Variants in NPC1 observed in about 807,000 individuals in gnomAD.
NPC1 encodes NPC intracellular cholesterol transporter 1, also known as Niemann-Pick C1 protein.
Under a neutral mutation model 140.4 loss-of-function variants are expected in NPC1, and 85 were observed. The ratio of observed to expected loss-of-function variants is 0.61; its 90% CI spans 0.51 to 0.72. The LOEUF is 0.72. Among genes scored for constraint, NPC1 ranks in the 30% least tolerant of loss-of-function variants. The pLI is 0.00. For synonymous variants in NPC1, 656 were observed against 624.8 expected (o/e 1.05, Z -0.74); for missense variants, 1,504 against 1,623.8 (o/e 0.93, Z 1.27).
In NPC1 at chr18:23,572,097, C is replaced by T. The variant is rs1599008867; in HGVS notation, c.264G>A (p.Gln88=). The change falls in exon 3 of 25, where the codon CAG becomes CAA. Residue 88 remains glutamine (Q), a synonymous_variant. Coordinates refer to ENST00000269228, the MANE Select transcript of NPC1 (RefSeq NM_000271.5). The stretch of plus-strand genomic sequence containing the variant: ...ACCTGGACAGAAACTGTAGAGGCAG[C>T]TGCAGGTTGTCTTTTAGTGTCTGAA... ...RQLQTLKDNL[Q]LPLQFLSRCP... The T allele has an allele frequency of 6.2e-7, 1 of 1,613,810 alleles. No individual in the cohort carries two copies. Among genetic ancestry groups the T allele is most frequent in the Non-Finnish European group, 8.5e-7 (1 of 1,179,766 alleles).
At chr18:23,554,683 A>G in intron 9 of NPC1, 75 bp downstream of exon 9, 1 of 1,125,688 alleles carries the variant, frequency 8.9e-7, no homozygotes, top group Non-Finnish European at 1.3e-6. Flanking sequence ...TATGCTCATA[A>G]AACAAGCTTT....
At chr18:23,535,071 T>G (rs191001019) in intron 22 of NPC1, among the ~76,000 whole-genome samples, 211 of 152,280 alleles carry the variant, frequency 1.4e-3, no homozygotes, top group African/African-American at 4.9e-3. Flanking sequence ...AACATCCTGC[T>G]GTCATCAGGC....
chr18:23,527,900 T>C, downstream of NPC1: 3 of 1,612,872 alleles, frequency 1.9e-6, no homozygotes, highest in Non-Finnish European at 2.5e-6. Context: ...AGTTATGCGA[T>C]GGTGAGTTAC....
At chr18:23,527,994 A>G (rs1158288349), downstream of NPC1, 1 of 1,075,678 alleles carries the variant, frequency 9.3e-7, no homozygotes, top group Non-Finnish European at 1.3e-6. Context: ...TTTCCTATAT[A>G]TTAGAATAAG....
downstream of NPC1, chr18:23,529,181 G>T: frequency 6.2e-7 from 1 of 1,608,522 alleles, no homozygotes; most frequent in African/African-American, 1.3e-5. Flanking sequence ...TCTTTCAGGC[G>T]GTGGAAGCAG....
rs2058763237 is a variant in NPC1 at position 23,544,940 on chromosome 18, A to ACCACCCCCCCCCCCCCCCCCCCCCCCCC, written c.1947+19_1947+20insGGGGGGGGGGGGGGGGGGGGGGGGGTGG. Reference sequence around the variant, plus strand: ...ACTGCTGTTAACCTCTAGAACATACACCACCCCCCCCCGGCTTACCAGAAG... The same window carrying ACCACCCCCCCCCCCCCCCCCCCCCCCCC: ...ACTGCTGTTAACCTCTAGAACATACACCACCCCCCCCCCCCCCCCCCCCCCCCCCCACCCCCCCCCGGCTTACCAGAAG... On this transcript the variant is annotated intron_variant, in intron 12 of 24. Coordinates refer to ENST00000269228, the MANE Select transcript of NPC1 (RefSeq NM_000271.5). The ACCACCCCCCCCCCCCCCCCCCCCCCCCC allele has an allele frequency of 8.3e-7, 1 of 1,204,032 alleles. No individual in the cohort carries two copies. The highest frequency in any genetic ancestry group is 2.8e-5 in the East Asian group (1 of 35,118). 74.6% of individuals were successfully genotyped at this position (1,204,032 alleles called of 1,614,324 possible). A position where few individuals can be genotyped will look rare whatever the true frequency, so the allele number is the denominator to read the frequency against.
intron 2 of NPC1, 128 bp downstream of exon 2, chr18:23,573,324 G>T: frequency 7.6e-7 from 1 of 1,318,708 alleles, no homozygotes; most frequent in Non-Finnish European, 1.1e-6. Flanking sequence ...GAGTTTGAGA[G>T]TCCGGGATAA....
Position 23,586,414 on chromosome 18 carries a change from T to TCCCCGGGCTGTTTCAGCA in NPC1, c.-89_-72dup, listed in dbSNP as rs1207142067. ...TGGGCTCCCCGGAGGCGGCTCTACT[T>TCCCCGGGCTGTTTCAGCA]CCCCGGGCTGTTTCAGCACCCCGCG... On this transcript the variant is annotated 5_prime_UTR_variant, in exon 1 of 25. Coordinates refer to ENST00000269228, the MANE Select transcript of NPC1 (RefSeq NM_000271.5). 1.8e-4 allele frequency: 277 copies of TCCCCGGGCTGTTTCAGCA among 1,526,142 alleles called. No homozygotes were observed. The highest frequency in any genetic ancestry group is 2.2e-4 in the Non-Finnish European group (255 of 1,143,064). 94.5% of individuals were successfully genotyped at this position (1,526,142 alleles called of 1,614,324 possible).
In NPC1 at chr18:23,586,471, G is replaced by C. The variant is rs1015751000; in HGVS notation, c.-128C>G. 4.1e-6 allele frequency: 6 copies of C among 1,456,340 alleles called. No individual in the cohort carries two copies. The highest frequency in any genetic ancestry group is 5.4e-6 in the Non-Finnish European group (6 of 1,111,264). 90.2% of individuals were successfully genotyped at this position (1,456,340 alleles called of 1,614,324 possible). ...GAGCGGAGGAGCAGGAGCAGGCGCT[G>C]ACCGCGGCAGCAGGCTGCGCGCGCC... On this transcript the variant is annotated 5_prime_UTR_variant, in exon 1 of 25. Transcript: ENST00000269228.
chr18:23,568,842 G>A lies in NPC1; in HGVS notation c.444C>T (p.Val148=), dbSNP rs899764342. 9 of 1,613,804 alleles carry A rather than the reference G, an allele frequency of 5.6e-6. No homozygotes were observed. The highest frequency in any genetic ancestry group is 2.2e-5 in the East Asian group (1 of 44,882). ...ACTTACCATTGGCAAAACTCTGTCC[G>A]ACGTAGTATTGTAACTCTTTCACAT... ...KTNVKELQYY[V]GQSFANAMYN... The change falls in exon 4 of 25, where the codon GTC becomes GTT. Residue 148 remains valine, a synonymous_variant. Transcript: ENST00000269228.
intron 1 of NPC1, among the ~76,000 whole-genome samples, chr18:23,586,045 A>G (rs1362319567): frequency 3.9e-5 from 6 of 152,236 alleles, no homozygotes; most frequent in Non-Finnish European, 8.8e-5. Context: ...AAATTAGGTG[A>G]CCACAGATGG....
chr18:23,539,229 T>C (rs988507654), intron 19 of NPC1, 126 bp downstream of exon 19: 48 of 731,402 alleles, frequency 6.6e-5, no homozygotes, highest in Non-Finnish European at 1.0e-4. Flanking sequence ...AAAGGAATGA[T>C]GACACAGGGA....
At chr18:23,536,926 C>T in intron 20 of NPC1, 50 bp from the exon 21 acceptor site, 1 of 1,496,446 alleles carries the variant, frequency 6.7e-7, no homozygotes, top group Non-Finnish European at 9.3e-7. Flanking sequence ...TGCAAAATAT[C>T]AGCAGAATCT....
chr18:23,530,270 T>G (rs539384789), downstream of NPC1: 2 of 1,614,238 alleles, frequency 1.2e-6, no homozygotes, highest in African/African-American at 2.7e-5. Context: ...ATCCTCCTGC[T>G]CATCAGCTAT....
chr18:23,548,411 T>C (rs983774037), intron 10 of NPC1, among the ~76,000 whole-genome samples: 7 of 151,690 alleles, frequency 4.6e-5, no homozygotes, highest in Non-Finnish European at 1.0e-4. Context: ...AAAGTGTTTA[T>C]CGAAAATTCT....
At chr18:23,578,942 C>A (rs2059325244) in intron 1 of NPC1, among the ~76,000 whole-genome samples, 2 of 152,254 alleles carry the variant, frequency 1.3e-5, no homozygotes, top group Admixed American at 6.5e-5. Flanking sequence ...GTCTCTGGTG[C>A]AGATGCCTGC....
downstream of NPC1, chr18:23,530,364 G>C (rs1275150090): frequency 1.4e-5 from 22 of 1,613,948 alleles, no homozygotes; most frequent in Non-Finnish European, 1.9e-5. Context: ...GCACTGACCT[G>C]GACTTCTCTC....
rs764982338 is a variant in NPC1, at chr18:23,575,289, A to G, written c.58-1715T>C. Among the ~76,000 whole-genome samples the G allele has an allele frequency of 2.6e-5, 4 of 152,206 alleles. 1 individual carries two copies. The highest frequency in any genetic ancestry group is 5.9e-5 in the Non-Finnish European group (4 of 68,032). On this transcript the variant is annotated intron_variant, in intron 1 of 24. Coordinates refer to ENST00000269228, the MANE Select transcript of NPC1 (RefSeq NM_000271.5). ...GCTGTTTAGGTTCCTTTTCACAAAG[A>G]TCATTCGTTACTTATTTCAAAGCAA...
chr18:23,570,660 A>C (rs893353745), intron 3 of NPC1, among the ~76,000 whole-genome samples: 6 of 152,188 alleles, frequency 3.9e-5, no homozygotes, highest in African/African-American at 1.4e-4. Context: ...CAGTGTGCTG[A>C]AGTCTGAAAA....
Sources: allele counts gnomAD v4.1 joint callset (sites outside exome capture counted in the v4.1 genomes callset), GRCh38; gene constraint gnomAD v4.1.1; transcripts MANE v1.5; gene names NCBI Gene and HGNC (gene_info 2026-07-23, HGNC 2026-07-21).